The following ORC5 variants were observed in gnomAD, a reference collection of about 807,000 sequenced individuals.
The protein encoded by ORC5 is origin recognition complex subunit 5, also known as protein phosphatase 1, regulatory subunit 117.
ORC5 carries 39 observed loss-of-function variants against 58.8 expected under a neutral mutation model. The ratio of observed to expected loss-of-function variants is 0.66; its 90% confidence interval spans 0.51 to 0.87. ORC5 has a LOEUF of 0.87. Ranked by LOEUF, ORC5 falls within the 40% of genes least tolerant of loss-of-function variation. The pLI is 0.00. For missense variants in ORC5, 493 were observed against 506.3 expected (o/e 0.97, Z 0.25); for synonymous variants, 218 against 177.6 (o/e 1.23, Z -1.81).
rs1445374489 is a variant in ORC5, at chr7:104,184,039, C to A, written c.734-6G>T. ...GCGAGTATCACGTTCACTTGCTACC[C>A]CAAAGGGAAGAAAATTTCAGTAATT... is the stretch of plus-strand genomic sequence containing the variant. On this transcript the variant is annotated splice_polypyrimidine_tract_variant and splice_region_variant and intron_variant, in intron 7 of 13. Coordinates refer to ENST00000297431, the MANE Select transcript of ORC5 (RefSeq NM_002553.4). 2 of 1,607,066 alleles carry A rather than the reference C, an allele frequency of 1.2e-6. No individual in the cohort carries two copies. The highest frequency in any genetic ancestry group is 1.7e-6 in the Non-Finnish European group (2 of 1,177,350).
intron 6 of ORC5, chr7:104,184,540 A>G (rs1799503204): frequency 5.6e-6 from 1 of 177,696 alleles, no homozygotes; most frequent in Non-Finnish European, 1.2e-5. Context: ...ACAACATAAA[A>G]TATTCCTTAA....
At chr7:104,174,697 G>C (rs543458423) in intron 8 of ORC5, among the ~76,000 whole-genome samples, 161 of 152,314 alleles carry the variant, frequency 1.1e-3, no homozygotes, top group African/African-American at 3.7e-3. Context: ...TGAAACTGGT[G>C]ATCAGCAGCT....
chr7:104,136,842 G>A lies in ORC5; in HGVS notation c.1201C>T (p.Gln401Ter). 6.2e-7 allele frequency: 1 copy of A among 1,614,038 alleles called. No homozygotes were observed. Among genetic ancestry groups the A allele is most frequent in the Non-Finnish European group, 8.5e-7 (1 of 1,179,912 alleles). ...CATTTGTATTTTGGTCCATCAAGCTGATCGTCATGGCCAACCAGGGTTAAC... is the reference window on the plus strand; with the variant it reads ...CATTTGTATTTTGGTCCATCAAGCTAATCGTCATGGCCAACCAGGGTTAAC... ...QLLTLVGHDD[Q>*]LDGPKYKCTV... The change falls in exon 13 of 14, where the codon CAG becomes TAG. Residue 401 changes from glutamine (Q) to a stop codon, truncating the protein, a stop_gained. Coordinates refer to ENST00000297431, the MANE Select transcript of ORC5 (RefSeq NM_002553.4). LOFTEE classifies it high-confidence loss of function. The surrounding 1 kb of genome is among the most constrained non-coding windows in gnomAD (Gnocchi z 4.2).
intron 8 of ORC5, among the ~76,000 whole-genome samples, chr7:104,171,848 C>T (rs1260351905): frequency 6.6e-6 from 1 of 152,054 alleles, no homozygotes; most frequent in African/African-American, 2.4e-5. Flanking sequence ...CAATGGGACC[C>T]TGTCTCAAAA....
intron 12 of ORC5, among the ~76,000 whole-genome samples, chr7:104,149,539 TTTTG>T (rs2115803777): frequency 6.6e-6 from 1 of 152,264 alleles, no homozygotes; most frequent in Non-Finnish European, 1.5e-5. Flanking sequence ...CAGAACAAAG[TTTTG>T]TTTTTGTTTT....
At chr7:104,164,947 C>T (rs1799082209) in intron 11 of ORC5, among the ~76,000 whole-genome samples, 1 of 152,102 alleles carries the variant, frequency 6.6e-6, no homozygotes, top group Admixed American at 6.6e-5. Context: ...GAGGAAAATG[C>T]CTGTATTCAA....
chr7:104,161,634 A>C (rs1799025562), intron 11 of ORC5, among the ~76,000 whole-genome samples: 1 of 152,190 alleles, frequency 6.6e-6, no homozygotes, highest in African/African-American at 2.4e-5. Context: ...TTGGCCTCCC[A>C]AAGTGTTAGA....
At chr7:104,174,418 A>G (rs1017381875) in intron 8 of ORC5, among the ~76,000 whole-genome samples, 2 of 152,182 alleles carry the variant, frequency 1.3e-5, no homozygotes, top group African/African-American at 4.8e-5. Flanking sequence ...GGGATCCTCA[A>G]ATTCTAAAGG....
chr7:104,204,060 G>C, intron 2 of ORC5, 82 bp downstream of exon 2: 1 of 645,722 alleles, frequency 1.5e-6, no homozygotes, highest in South Asian at 2.3e-5. Flanking sequence ...GTTCAATTTT[G>C]CATTTGTGGA....
rs528705638 is a variant in ORC5, at chr7:104,201,080, C to T, written c.166-122G>A. The T allele has an allele frequency of 1.8e-5, 13 of 724,640 alleles. No homozygotes were observed. In the African/African-American group the frequency reaches 2.1e-4, roughly 12 times the overall value. The allele number at this position is 724,640 out of a possible 1,614,324, so 44.9% of individuals were successfully genotyped here. ...TATCCCACCAAACCCACCCCATGCC[C>T]CAAGAGCCTGACAGCTACAGAATTA... On this transcript the variant is annotated intron_variant, in intron 2 of 13. Transcript: ENST00000297431.
intron 3 of ORC5, among the ~76,000 whole-genome samples, chr7:104,199,447 T>C (rs944402621): frequency 3.3e-5 from 5 of 152,196 alleles, no homozygotes; most frequent in African/African-American, 1.2e-4. Flanking sequence ...GAGCCCACTC[T>C]TGCATCAGTG....
At chr7:104,142,314 C>G (rs1798686341) in intron 12 of ORC5, among the ~76,000 whole-genome samples, 1 of 151,946 alleles carries the variant, frequency 6.6e-6, no homozygotes, top group African/African-American at 2.4e-5. Context: ...AAAAAAACTC[C>G]CTGATATTAG....
intron 7 of ORC5, 32 bp from the exon 8 acceptor site, chr7:104,184,065 T>C: frequency 1.3e-6 from 2 of 1,595,228 alleles, no homozygotes; most frequent in South Asian, 1.1e-5. Flanking sequence ...TTCAGTAATT[T>C]ATATCTTGTA....
At chr7:104,203,409 C>T (rs1204311715) in intron 2 of ORC5, among the ~76,000 whole-genome samples, 1 of 152,162 alleles carries the variant, frequency 6.6e-6, no homozygotes, top group Non-Finnish European at 1.5e-5. Flanking sequence ...TGTTAGTTAT[C>T]CGGCCCTTAA....
intron 8 of ORC5, among the ~76,000 whole-genome samples, chr7:104,177,082 C>T (rs749140240): frequency 6.6e-6 from 1 of 152,208 alleles, no homozygotes; most frequent in Non-Finnish European, 1.5e-5. Context: ...TATTCATAGG[C>T]TATAAAAATG....
intron 12 of ORC5, among the ~76,000 whole-genome samples, chr7:104,153,209 G>A (rs960671018): frequency 6.6e-5 from 10 of 152,106 alleles, no homozygotes; most frequent in African/African-American, 2.4e-4. Flanking sequence ...TTGCAAACAT[G>A]AAACATCCCA....
At chr7:104,193,935 A>T (rs1198417651) in intron 5 of ORC5, among the ~76,000 whole-genome samples, 1 of 151,606 alleles carries the variant, frequency 6.6e-6, no homozygotes, top group Non-Finnish European at 1.5e-5. Context: ...AAATTATAGA[A>T]TTTTAAAAAT....
At chr7:104,189,472 T>C (rs1269110281) in intron 5 of ORC5, among the ~76,000 whole-genome samples, 3 of 152,114 alleles carry the variant, frequency 2.0e-5, no homozygotes, top group Non-Finnish European at 4.4e-5. Flanking sequence ...CAAGATGAGA[T>C]CTCAGTGGGG....
chr7:104,189,962 T>G (rs935128569), intron 5 of ORC5, among the ~76,000 whole-genome samples: 1 of 152,132 alleles, frequency 6.6e-6, no homozygotes, highest in African/African-American at 2.4e-5. Flanking sequence ...AGCCCTTAAC[T>G]TGTGAGGTCT....
Sources: allele counts gnomAD v4.1 joint callset (sites outside exome capture counted in the v4.1 genomes callset), GRCh38; gene constraint gnomAD v4.1.1; non-coding constraint Gnocchi (gnomAD v3.1); transcripts MANE v1.5; gene names NCBI Gene and HGNC (gene_info 2026-07-23, HGNC 2026-07-21).